Variants in TMEM121B observed in about 807,000 individuals in gnomAD.
TMEM121B encodes transmembrane protein 121B, also known as cat eye syndrome chromosome region, candidate 6.
In TMEM121B, 14 loss-of-function variants were observed where a neutral mutation model predicts 25.1. That is an observed-to-expected ratio of 0.56 (90% CI 0.37 to 0.87). The LOEUF is 0.87. Ranked by LOEUF, TMEM121B falls within the 40% of genes least tolerant of loss-of-function variation. The probability of loss-of-function intolerance (pLI) is 0.00; values close to 1 mark genes in which losing one functional copy is unlikely to be tolerated. For missense variants in TMEM121B, 850 were observed against 854.6 expected, an observed-to-expected ratio of 0.99 and a Z score of 0.07; for synonymous variants, 458 against 420.9, an observed-to-expected ratio of 1.09 and a Z score of -1.08.
chr22:17,120,703 G>T lies in TMEM121B; in HGVS notation c.425C>A (p.Ala142Glu). Residue 142 changes from alanine (A) to glutamate (E), a missense_variant, in exon 1 of 1, where the codon GCG (alanine) becomes GAG (glutamate). Transcript: ENST00000331437. ...MTAADFGGGA[A>E]AGAVGGPGSR... is the part of the protein sequence containing the mutation. ...CCCGGGGCCCCCGACGGCCCCGGCC[G>T]CGGCGCCCCCGCCGAAGTCCGCGGC... The T allele has an allele frequency of 8.4e-7, 1 of 1,192,434 alleles. No homozygotes were observed. Among genetic ancestry groups the T allele is most frequent in the Non-Finnish European group, 1.0e-6 (1 of 963,322 alleles). The allele number at this position is 1,192,434 out of a possible 1,614,324, so 73.9% of individuals were successfully genotyped here. A position where few individuals can be genotyped will look rare whatever the true frequency, so the allele number is the denominator to read the frequency against.
chr22:17,120,645 C>A lies in TMEM121B; in HGVS notation c.483G>T (p.Gly161=), dbSNP rs2061494467. The part of the protein sequence containing the change: ...SRSAGGAGGT[G]TGSGASCCPC... ...GGCAGCAGGAGGCGCCGCTGCCGGT[C>A]CCGGTGCCGCCCGCGCCCCCCGCCG... The change falls in exon 1 of 1, where the codon GGG becomes GGT. Residue 161 remains glycine, a synonymous_variant. Transcript: ENST00000331437. The A allele has an allele frequency of 4.2e-6, 5 of 1,189,164 alleles. No homozygotes were observed. The highest frequency in any genetic ancestry group is 7.4e-5 in the East Asian group (2 of 27,158). 73.7% of individuals were successfully genotyped at this position (1,189,164 alleles called of 1,614,324 possible). A position where few individuals can be genotyped will look rare whatever the true frequency, so the allele number is the denominator to read the frequency against.
At position 17,119,256 on chromosome 22, in the gene TMEM121B, A is replaced by AG; in HGVS notation, c.*134dup. ...AGCCGTCCTCACCCCAGGGTGCAGA[A>AG]GAACACCCTGGCCCTTAGCCCTGAA... is the stretch of plus-strand genomic sequence containing the variant. On this transcript the variant is annotated 3_prime_UTR_variant, in exon 1 of 1. Transcript: ENST00000331437. 3 of 1,361,064 alleles carry AG rather than the reference A, an allele frequency of 2.2e-6. No individual in the cohort carries two copies. The African/African-American group carries it at 4.4e-5, about 20-fold the overall frequency. The allele number at this position is 1,361,064 out of a possible 1,614,324, so 84.3% of individuals were successfully genotyped here.
chr22:17,120,008 C>T lies in TMEM121B; in HGVS notation c.1120G>A (p.Gly374Ser). 3.1e-6 allele frequency: 5 copies of T among 1,604,450 alleles called. No homozygotes were observed. The highest frequency in any genetic ancestry group is 1.7e-4 in the Middle Eastern group (1 of 6,044). ...GGTCCTGCCGATCCCGGGGGCGCGC[C>T]CGCCTCGCTGATGGCCCGCACCAAG... is the stretch of plus-strand genomic sequence containing the variant. Reference protein sequence around the residue: ...YSLVRAISEAGAPPGSAGPLL... With the variant: ...YSLVRAISEASAPPGSAGPLL... Residue 374 changes from glycine to serine, a missense_variant, in exon 1 of 1, where the codon GGC (glycine) becomes AGC (serine). Transcript: ENST00000331437.
chr22:17,119,305 C>A lies in TMEM121B; in HGVS notation c.*86G>T. On this transcript the variant is annotated 3_prime_UTR_variant, in exon 1 of 1. Coordinates refer to ENST00000331437, the MANE Select transcript of TMEM121B (RefSeq NM_031890.4). The stretch of plus-strand genomic sequence containing the variant: ...AAAAGGGTTACCTCTTCCAAATAGA[C>A]CCTGATCAAATCTAGGTGACAGAAG... 3 of 1,516,914 alleles carry A rather than the reference C, an allele frequency of 2.0e-6. No individual in the cohort carries two copies. The South Asian group carries it at 3.9e-5, about 20-fold the overall frequency. The allele number at this position is 1,516,914 out of a possible 1,614,324, so 94.0% of individuals were successfully genotyped here.
At position 17,119,178 on chromosome 22, in the gene TMEM121B, GGA is replaced by G. The variant is rs2061482945; in HGVS notation, c.*211_*212del. ...GATTGGGGTAGGATAGGAGAAGAGAGGAGAGGGTAAGTGCACCTACCTCCCTC... is the reference window on the plus strand; with the variant it reads ...GATTGGGGTAGGATAGGAGAAGAGAGGAGGGTAAGTGCACCTACCTCCCTC... On this transcript the variant is annotated 3_prime_UTR_variant, in exon 1 of 1. Transcript: ENST00000331437. The G allele has an allele frequency of 3.3e-6, 2 of 609,832 alleles. No homozygotes were observed. Among genetic ancestry groups the G allele is most frequent in the African/African-American group, 3.8e-5 (2 of 52,658 alleles). The allele number at this position is 609,832 out of a possible 1,614,324, so 37.8% of individuals were successfully genotyped here. A position where few individuals can be genotyped will look rare whatever the true frequency, so the allele number is the denominator to read the frequency against.
At position 17,119,416 on chromosome 22, in the gene TMEM121B, G is replaced by C; in HGVS notation, c.1712C>G (p.Thr571Ser). Reference sequence around the variant, plus strand: ...TCAATTCTGAGAGGCCACAGCCAGGGTGTTGACATAGCCATGAGCACCCCC... The same window carrying C: ...TCAATTCTGAGAGGCCACAGCCAGGCTGTTGACATAGCCATGAGCACCCCC... ...NEGGAHGYVN[T>S]LAVASQN Residue 571 changes from threonine (T) to serine (S), a missense_variant, in exon 1 of 1, where the codon ACC (threonine) becomes AGC (serine). By Grantham distance (58) the Thr-to-Ser change is moderately conservative. Coordinates refer to ENST00000331437, the MANE Select transcript of TMEM121B (RefSeq NM_031890.4). 6.2e-7 allele frequency: 1 copy of C among 1,605,768 alleles called. No individual in the cohort carries two copies. Among genetic ancestry groups the C allele is most frequent in the African/African-American group, 1.3e-5 (1 of 74,772 alleles).
rs1271198739 is a variant in TMEM121B, at chr22:17,119,389, C to G, written c.*2G>C. 6.3e-7 allele frequency: 1 copy of G among 1,592,496 alleles called. No homozygotes were observed. The highest frequency in any genetic ancestry group is 2.3e-5 in the East Asian group (1 of 43,594). On this transcript the variant is annotated 3_prime_UTR_variant, in exon 1 of 1. Coordinates refer to ENST00000331437, the MANE Select transcript of TMEM121B (RefSeq NM_031890.4). Reference sequence around the variant, plus strand: ...AAAAACAAGGACCCGTGCCCTTCACCCTCAATTCTGAGAGGCCACAGCCAG... The same window carrying G: ...AAAAACAAGGACCCGTGCCCTTCACGCTCAATTCTGAGAGGCCACAGCCAG...
At position 17,119,412 on chromosome 22, in the gene TMEM121B, C is replaced by G. The variant is rs752727911; in HGVS notation, c.1716G>C (p.Leu572=). 6.2e-7 allele frequency: 1 copy of G among 1,604,470 alleles called. No homozygotes were observed. Among genetic ancestry groups the G allele is most frequent in the Admixed American group, 1.7e-5 (1 of 59,108 alleles). Residue 572 remains leucine (L), a synonymous_variant, in exon 1 of 1, where the codon CTG becomes CTC. Coordinates refer to ENST00000331437, the MANE Select transcript of TMEM121B (RefSeq NM_031890.4). ...EGGAHGYVNT[L]AVASQN ...ACCCTCAATTCTGAGAGGCCACAGCCAGGGTGTTGACATAGCCATGAGCAC... is the reference window on the plus strand; with the variant it reads ...ACCCTCAATTCTGAGAGGCCACAGCGAGGGTGTTGACATAGCCATGAGCAC...
In TMEM121B at chr22:17,119,499, T is replaced by C. The variant is rs373493860; in HGVS notation, c.1629A>G (p.Pro543=). The change falls in exon 1 of 1, where the codon CCA becomes CCG. Residue 543 remains proline (P), a synonymous_variant. Transcript: ENST00000331437. ...AGCCTCCCTGAGGTGGTGGCGGAGGTGGTGGAGGGGCGGAGGGCGGAGCAC... is the reference window on the plus strand; with the variant it reads ...AGCCTCCCTGAGGTGGTGGCGGAGGCGGTGGAGGGGCGGAGGGCGGAGCAC... ...GYGAPPSAPP[P]PPPPPQGGSQ... 9.4e-6 allele frequency: 15 copies of C among 1,590,666 alleles called. No individual in the cohort carries two copies. In the African/African-American group the frequency reaches 1.1e-4, roughly 11 times the overall value.
chr22:17,116,548 C>A lies in TMEM121B; in HGVS notation c.*2843G>T, dbSNP rs567261087. 1 of 152,200 alleles carries A rather than the reference C, an allele frequency of 6.6e-6. No homozygotes were observed. The highest frequency in any genetic ancestry group is 1.5e-5 in the Non-Finnish European group (1 of 68,044). 9.4% of individuals were successfully genotyped at this position (152,200 alleles called of 1,614,324 possible). On this transcript the variant is annotated 3_prime_UTR_variant, in exon 1 of 1. Transcript: ENST00000331437. ...GGACTAACAGAGAGGAAGCCCCTGA[C>A]TTGCTGAATTGTTAGGAGCAGGCGG...
In TMEM121B at chr22:17,121,102, C is replaced by A. The variant is rs1352597050; in HGVS notation, c.26G>T (p.Arg9Leu). The A allele has an allele frequency of 7.1e-7, 1 of 1,408,892 alleles. No individual in the cohort carries two copies. The allele number at this position is 1,408,892 out of a possible 1,614,324, so 87.3% of individuals were successfully genotyped here. The change falls in exon 1 of 1, where the codon CGC becomes CTC. Residue 9 changes from arginine to leucine, a missense_variant. Transcript: ENST00000331437. Reference protein sequence around the residue: MRPALGHPRSVSSASGSFP... With the variant: MRPALGHPLSVSSASGSFP... ...GGAACCGGACGCGGAGGAGACCGAG[C>A]GAGGGTGGCCGAGCGCCGGGCGCAT...
chr22:17,121,253 T>G lies in TMEM121B; in HGVS notation c.-126A>C. 1.1e-6 allele frequency: 1 copy of G among 924,894 alleles called. No individual in the cohort carries two copies. Among genetic ancestry groups the G allele is most frequent in the Non-Finnish European group, 1.4e-6 (1 of 711,592 alleles). The allele number at this position is 924,894 out of a possible 1,614,324, so 57.3% of individuals were successfully genotyped here. A position where few individuals can be genotyped will look rare whatever the true frequency, so the allele number is the denominator to read the frequency against. On this transcript the variant is annotated 5_prime_UTR_variant, in exon 1 of 1. Coordinates refer to ENST00000331437, the MANE Select transcript of TMEM121B (RefSeq NM_031890.4). ...CTCCCCAGCAGTGGGGACTCGCACC[T>G]GGGCCGGGCGGCGGCGAGATCCGGA...
rs1341070723 is a variant in TMEM121B, at chr22:17,120,602, C to CGCA, written c.523_525dup (p.Cys175dup). Reference sequence around the variant, plus strand: ...CTGCGGCCGGGGCGGTCTGGGCAGCCGCAGCAGCAGCAACACGGGCAGCAG... The same window carrying CGCA: ...CTGCGGCCGGGGCGGTCTGGGCAGCCGCAGCAGCAGCAGCAACACGGGCAGCAG... On this transcript the variant is annotated inframe_insertion, in exon 1 of 1. Coordinates refer to ENST00000331437, the MANE Select transcript of TMEM121B (RefSeq NM_031890.4). The CGCA allele has an allele frequency of 1.5e-6, 2 of 1,378,814 alleles. No individual in the cohort carries two copies. The highest frequency in any genetic ancestry group is 3.0e-5 in the African/African-American group (2 of 66,086). The allele number at this position is 1,378,814 out of a possible 1,614,324, so 85.4% of individuals were successfully genotyped here.
Position 17,119,104 on chromosome 22 carries a change from T to G in TMEM121B, c.*287A>C. On this transcript the variant is annotated 3_prime_UTR_variant, in exon 1 of 1. Coordinates refer to ENST00000331437, the MANE Select transcript of TMEM121B (RefSeq NM_031890.4). ...TCCTCCTAATGGATGGGAATTAGAG[T>G]GGAGGTGGGCAAAGCAAGAAGCAGA... 2 of 362,320 alleles carry G rather than the reference T, an allele frequency of 5.5e-6. No homozygotes were observed. Among genetic ancestry groups the G allele is most frequent in the Non-Finnish European group, 5.0e-6 (1 of 199,466 alleles). The allele number at this position is 362,320 out of a possible 1,614,324, so 22.4% of individuals were successfully genotyped here.
In TMEM121B at chr22:17,119,894, G is replaced by T; in HGVS notation, c.1234C>A (p.Leu412Met). ...AGCGGCACGCGGCCCTCCAGCATCAGCTCCACCAGCGTGAAGCTGTCGAGC... is the reference window on the plus strand; with the variant it reads ...AGCGGCACGCGGCCCTCCAGCATCATCTCCACCAGCGTGAAGCTGTCGAGC... ...DLLDSFTLVE[L>M]MLEGRVPLPA... Residue 412 changes from leucine (L) to methionine (M), a missense_variant, in exon 1 of 1, where the codon CTG (leucine) becomes ATG (methionine). By Grantham distance (15) the Leu-to-Met change is conservative. Transcript: ENST00000331437. 1 of 1,567,454 alleles carries T rather than the reference G, an allele frequency of 6.4e-7. No homozygotes were observed. Among genetic ancestry groups the T allele is most frequent in the South Asian group, 1.1e-5 (1 of 87,566 alleles).
In TMEM121B at chr22:17,120,716, C is replaced by T; in HGVS notation, c.412G>A (p.Gly138Ser). 1 of 1,193,776 alleles carries T rather than the reference C, an allele frequency of 8.4e-7. No individual in the cohort carries two copies. Among genetic ancestry groups the T allele is most frequent in the Non-Finnish European group, 1.0e-6 (1 of 963,992 alleles). 73.9% of individuals were successfully genotyped at this position (1,193,776 alleles called of 1,614,324 possible). A position where few individuals can be genotyped will look rare whatever the true frequency, so the allele number is the denominator to read the frequency against. The change falls in exon 1 of 1, where the codon GGC becomes AGC. Residue 138 changes from glycine to serine, a missense_variant. By Grantham distance (56) the Gly-to-Ser change is moderately conservative (BLOSUM62 0). Coordinates refer to ENST00000331437, the MANE Select transcript of TMEM121B (RefSeq NM_031890.4). ...ACGGCCCCGGCCGCGGCGCCCCCGC[C>T]GAAGTCCGCGGCTGTCATGCTGCAG... is the stretch of plus-strand genomic sequence containing the variant. ...SSCSMTAADF[G>S]GGAAAGAVGG...
chr22:17,119,773 G>A lies in TMEM121B; in HGVS notation c.1355C>T (p.Ala452Val), dbSNP rs774126006. 6.4e-7 allele frequency: 1 copy of A among 1,569,906 alleles called. No individual in the cohort carries two copies. The highest frequency in any genetic ancestry group is 8.6e-7 in the Non-Finnish European group (1 of 1,166,024). ...WLYELNAAAAAAASWGQASGP... is the reference protein window; with the variant it reads ...WLYELNAAAAVAASWGQASGP... Reference sequence around the variant, plus strand: ...GGAGGCCTGGCCCCAGGATGCAGCCGCTGCGGCCGCGGCGTTGAGCTCGTA... The same window carrying A: ...GGAGGCCTGGCCCCAGGATGCAGCCACTGCGGCCGCGGCGTTGAGCTCGTA... The change falls in exon 1 of 1, where the codon GCG becomes GTG. Residue 452 changes from alanine to valine, a missense_variant. Transcript: ENST00000331437.
chr22:17,120,983 T>C lies in TMEM121B; in HGVS notation c.145A>G (p.Ser49Gly). The stretch of plus-strand genomic sequence containing the variant: ...CCTCCCCCGCGGCTGGTGCTGGTGC[T>C]GGTGCTGCTGTCGCCGGAGCCTCTC... ...GRRGSGDSST[S>G]TSTSRGGGGG... The change falls in exon 1 of 1, where the codon AGC becomes GGC. Residue 49 changes from serine to glycine, a missense_variant. Coordinates refer to ENST00000331437, the MANE Select transcript of TMEM121B (RefSeq NM_031890.4). The C allele has an allele frequency of 6.8e-7, 1 of 1,461,090 alleles. No homozygotes were observed. Among genetic ancestry groups the C allele is most frequent in the South Asian group, 1.3e-5 (1 of 77,166 alleles). 90.5% of individuals were successfully genotyped at this position (1,461,090 alleles called of 1,614,324 possible).
chr22:17,121,229 T>TC lies in TMEM121B; in HGVS notation c.-103dup. 1 of 1,110,538 alleles carries TC rather than the reference T, an allele frequency of 9.0e-7. No homozygotes were observed. The highest frequency in any genetic ancestry group is 1.7e-5 in the African/African-American group (1 of 60,450). The allele number at this position is 1,110,538 out of a possible 1,614,324, so 68.8% of individuals were successfully genotyped here. A position where few individuals can be genotyped will look rare whatever the true frequency, so the allele number is the denominator to read the frequency against. On this transcript the variant is annotated 5_prime_UTR_variant, in exon 1 of 1. Transcript: ENST00000331437. Reference sequence around the variant, plus strand: ...CCGAGGGGAGCCGGGGCCCGCCGCCTCCCCAGCAGTGGGGACTCGCACCTG... The same window carrying TC: ...CCGAGGGGAGCCGGGGCCCGCCGCCTCCCCCAGCAGTGGGGACTCGCACCTG...
Sources: allele counts gnomAD v4.1 joint callset, GRCh38; gene constraint gnomAD v4.1.1; transcripts MANE v1.5; gene names NCBI Gene and HGNC (gene_info 2026-07-23, HGNC 2026-07-21).